Variants in NAV3 observed in about 807,000 individuals in gnomAD.
The protein encoded by NAV3 is neuron navigator 3.
In NAV3, 87 loss-of-function variants were observed where a neutral mutation model predicts 244.7. The observed-to-expected ratio is 0.36, with a 90% CI of 0.30 to 0.42. The LOEUF (loss-of-function observed/expected upper bound fraction) is 0.42. NAV3 is among the 20% of genes least tolerant of loss of function. NAV3 has a pLI of 1.00. For synonymous variants in NAV3, 1,126 were observed against 1,042.2 expected (o/e 1.08, Z -1.55); for missense variants, 2,663 against 2,893.3 (o/e 0.92, Z 1.83).
intron 1 of NAV3, among the ~76,000 whole-genome samples, chr12:77,901,051 T>G (rs944374527): frequency 1.3e-5 from 2 of 152,222 alleles, no homozygotes; most frequent in African/African-American, 4.8e-5. Flanking sequence ...TCTGTTCATG[T>G]CCTTTGCCAA....
At chr12:78,042,818 G>A (rs1010785364) in intron 9 of NAV3, among the ~76,000 whole-genome samples, 1 of 151,938 alleles carries the variant, frequency 6.6e-6, no homozygotes, top group Non-Finnish European at 1.5e-5. Flanking sequence ...AAAATAAAAG[G>A]CCTCTAGTTT....
chr12:77,835,884 C>T (rs766791848), intron 1 of NAV3, among the ~76,000 whole-genome samples: 1 of 152,194 alleles, frequency 6.6e-6, no homozygotes, highest in Non-Finnish European at 1.5e-5. Context: ...TGCTACATCC[C>T]AGATGTCTTC....
In NAV3 at chr12:78,128,778, G is replaced by A. The variant is rs61733259; in HGVS notation, c.4353G>A (p.Gly1451=). 3.9e-4 allele frequency: 632 copies of A among 1,614,008 alleles called. 4 individuals are homozygous for A. In the African/African-American group the frequency reaches 7.1e-3, roughly 18 times the overall value. ...GGTTGCGTTCTCATTCTACTGGAGG[G>A]CTTCAGGACACTGGCAACCAGTCAC... ...KEWLRSHSTG[G]LQDTGNQSPL... Residue 1451 remains glycine (G), a synonymous_variant, in exon 18 of 40, where the codon GGG becomes GGA. Transcript: ENST00000397909.
intron 2 of NAV3, among the ~76,000 whole-genome samples, chr12:77,743,169 C>G (rs1033599516): frequency 4.6e-5 from 7 of 151,862 alleles, no homozygotes; most frequent in Non-Finnish European, 1.0e-4. Context: ...TTTTCCCTTC[C>G]TTGTGATTTA....
intron 2 of NAV3, among the ~76,000 whole-genome samples, chr12:77,739,517 C>T (rs1236836360): frequency 6.6e-6 from 1 of 152,026 alleles, no homozygotes; most frequent in African/African-American, 2.4e-5. Flanking sequence ...AATTAACATT[C>T]ATTGACTCTG....
intron 5 of NAV3, among the ~76,000 whole-genome samples, chr12:77,985,956 C>T (rs537220149): frequency 2.0e-5 from 3 of 152,100 alleles, no homozygotes; most frequent in East Asian, 1.9e-4. Context: ...GTATTTCTTC[C>T]GAAATTAAAT....
intron 6 of NAV3, among the ~76,000 whole-genome samples, chr12:77,996,277 T>C (rs938534773): frequency 1.3e-5 from 2 of 152,164 alleles, no homozygotes; most frequent in East Asian, 1.9e-4. Context: ...AATTCATTAG[T>C]TGGGTTCCTT....
intron 2 of NAV3, among the ~76,000 whole-genome samples, chr12:77,774,007 T>C (rs1489228642): frequency 6.6e-6 from 1 of 152,228 alleles, no homozygotes; most frequent in East Asian, 1.9e-4. Flanking sequence ...TGACCTTGCC[T>C]GATGAACTCA....
At chr12:77,897,771 T>C (rs1431067394) in intron 1 of NAV3, among the ~76,000 whole-genome samples, 1 of 152,118 alleles carries the variant, frequency 6.6e-6, no homozygotes, top group Admixed American at 6.6e-5. Flanking sequence ...TATGTCTTTA[T>C]TCATTGGCAT....
At chr12:78,059,158 A>G in intron 12 of NAV3, 43 bp downstream of exon 12, 1 of 1,573,714 alleles carries the variant, frequency 6.4e-7, no homozygotes, top group African/African-American at 1.4e-5. Context: ...TGCATGAAGT[A>G]ATTTTATAAA....
intron 2 of NAV3, among the ~76,000 whole-genome samples, chr12:77,657,171 G>T (rs1403516900): frequency 1.3e-5 from 2 of 150,352 alleles, no homozygotes. Context: ...TCCAGGAGCT[G>T]GTTTTTTGAA....
chr12:77,739,919 ACAGT>A (rs1228433524), intron 2 of NAV3, among the ~76,000 whole-genome samples: 1 of 152,188 alleles, frequency 6.6e-6, no homozygotes, highest in African/African-American at 2.4e-5. Context: ...AATGACTCAC[ACAGT>A]AATTTTTTCG....
rs78395900 is a variant in NAV3 at position 77,593,046 on chromosome 12, G to A, written c.72+20780G>A. ...GAGTCTCTAAGTTAAAGGGCTTGGT[G>A]CTGTGCCACGCAAACAACCCTGCTT... On this transcript the variant is annotated intron_variant, in intron 2 of 8. Transcript: ENST00000550042. Among the ~76,000 whole-genome samples, 183 of 152,228 alleles carry A rather than the reference G, an allele frequency of 1.2e-3. 3 individuals carry two copies. The highest frequency in any genetic ancestry group is 3.4e-3 in the Middle Eastern group (1 of 294).
chr12:77,697,537 T>C (rs945437049), intron 2 of NAV3, among the ~76,000 whole-genome samples: 3 of 152,186 alleles, frequency 2.0e-5, no homozygotes, highest in Non-Finnish European at 2.9e-5. Flanking sequence ...ATTTCTCATA[T>C]TAAACTTCCA....
chr12:77,952,913 T>C (rs1441135213), intron 3 of NAV3, among the ~76,000 whole-genome samples: 3 of 152,134 alleles, frequency 2.0e-5, no homozygotes, highest in Non-Finnish European at 2.9e-5. Context: ...GCTCTTTATA[T>C]ACATACATGT....
At chr12:78,126,885 A>C (rs1955931824) in intron 16 of NAV3, among the ~76,000 whole-genome samples, 8 of 152,162 alleles carry the variant, frequency 5.3e-5, no homozygotes, top group Admixed American at 5.2e-4. Flanking sequence ...GTATTTAATC[A>C]ATAGGATTCA....
chr12:77,679,494 C>G (rs1002300963), intron 2 of NAV3, among the ~76,000 whole-genome samples: 2 of 151,694 alleles, frequency 1.3e-5, no homozygotes, highest in African/African-American at 2.4e-5. Flanking sequence ...TCACTTGTAG[C>G]AGGGGTACAT....
chr12:77,847,726 T>A (rs548936413), intron 1 of NAV3, among the ~76,000 whole-genome samples: 2 of 152,346 alleles, frequency 1.3e-5, no homozygotes, highest in Admixed American at 6.5e-5. Flanking sequence ...TAATTAAATT[T>A]CATATTTCAA....
intron 1 of NAV3, among the ~76,000 whole-genome samples, chr12:77,852,556 T>A (rs540408641): frequency 1.3e-5 from 2 of 151,634 alleles, no homozygotes; most frequent in African/African-American, 2.4e-5. Flanking sequence ...AATAAATAAA[T>A]AAATAAATAA....
Sources: gnomAD v4.1 joint callset for allele counts (sites outside exome capture counted in the v4.1 genomes callset) on GRCh38, gnomAD v4.1.1 for gene constraint, MANE v1.5 for transcripts, NCBI Gene and HGNC (gene_info 2026-07-23, HGNC 2026-07-21) for gene names.